STK17B: variants seen among roughly 807,000 people sequenced by gnomAD.
STK17B encodes the protein serine/threonine kinase 17b, also known as serine/threonine-protein kinase 17B.
In STK17B, 21 loss-of-function variants were observed where a neutral mutation model predicts 42.0. That is an observed-to-expected ratio of 0.50 (90% CI 0.35 to 0.72). The LOEUF is 0.72. Ranked by LOEUF, STK17B falls within the 30% of genes least tolerant of loss-of-function variation. The probability of loss-of-function intolerance (pLI) is 0.00; values close to 1 mark genes in which losing one functional copy is unlikely to be tolerated. For synonymous variants in STK17B, 143 were observed against 148.4 expected (o/e 0.96, Z 0.26); for missense variants, 349 against 446.0 (o/e 0.78, Z 1.96).
At chr2:196,169,843 G>C (rs898194415) in intron 1 of STK17B, among the ~76,000 whole-genome samples, 3 of 151,726 alleles carry the variant, frequency 2.0e-5, no homozygotes, top group African/African-American at 7.3e-5. Flanking sequence ...AAAAAGTCTT[G>C]CCATGTAAGC....
chr2:196,139,100 A>C (rs1645476008), intron 7 of STK17B, among the ~76,000 whole-genome samples: 3 of 152,114 alleles, frequency 2.0e-5, no homozygotes, highest in African/African-American at 7.2e-5. Context: ...AGTAGCTGGG[A>C]CTACAGATGC....
At chr2:196,152,107 C>CTT (rs56369141) in intron 3 of STK17B, among the ~76,000 whole-genome samples, 1 of 130,788 alleles carries the variant, frequency 7.6e-6, no homozygotes, top group Admixed American at 7.6e-5. Flanking sequence ...AAAAAAGTGC[C>CTT]TTTTTTTTTT....
intron 5 of STK17B, among the ~76,000 whole-genome samples, chr2:196,142,797 G>T (rs1438459093): frequency 2.6e-5 from 4 of 152,192 alleles, no homozygotes; most frequent in Non-Finnish European, 5.9e-5. Flanking sequence ...AAAGACAGCT[G>T]CCTAGCTGAG....
At chr2:196,159,015 A>G (rs1426045749) in intron 2 of STK17B, among the ~76,000 whole-genome samples, 1 of 151,614 alleles carries the variant, frequency 6.6e-6, no homozygotes, top group Non-Finnish European at 1.5e-5. Flanking sequence ...TGTCTCAAAA[A>G]AAAAAAAAAC....
intron 3 of STK17B, 122 bp from the exon 4 acceptor site, chr2:196,146,177 A>G: frequency 1.9e-6 from 2 of 1,072,908 alleles, no homozygotes; most frequent in South Asian, 2.2e-5. Context: ...ACACTTAAAA[A>G]TAGGGCAGGG....
At chr2:196,149,146 T>C (rs2105690895) in intron 3 of STK17B, among the ~76,000 whole-genome samples, 1 of 152,046 alleles carries the variant, frequency 6.6e-6, no homozygotes, top group African/African-American at 2.4e-5. Flanking sequence ...ACGGTAAATA[T>C]TCAATAGATA....
chr2:196,155,117 C>T (rs1699721740), intron 3 of STK17B, among the ~76,000 whole-genome samples: 1 of 152,288 alleles, frequency 6.6e-6, no homozygotes, highest in South Asian at 2.1e-4. Flanking sequence ...TCCTCCAAAC[C>T]TAGTATTCCA....
chr2:196,143,657 G>C lies in STK17B; in HGVS notation c.510C>G (p.Tyr170Ter). ...KPQNILLSSI[Y>*]PLGDIKIVDF... ...CTACTATTTTAATGTCCCCGAGAGG[G>C]TATATGCTGCTCAGTAATATATTCT... Residue 170 changes from tyrosine to a stop codon, truncating the protein, a stop_gained, in exon 5 of 8, where the codon TAC (tyrosine) becomes TAG (stop). Transcript: ENST00000263955. LOFTEE classifies it high-confidence loss of function. 1 of 1,592,090 alleles carries C rather than the reference G, an allele frequency of 6.3e-7. No individual in the cohort carries two copies. Among genetic ancestry groups the C allele is most frequent in the Non-Finnish European group, 8.5e-7 (1 of 1,170,290 alleles).
intron 3 of STK17B, chr2:196,151,446 T>C (rs563099869): frequency 7.2e-5 from 11 of 152,436 alleles, no homozygotes; most frequent in African/African-American, 2.6e-4. Flanking sequence ...TTAGCCAGGA[T>C]GGTCTCGATC....
intron 3 of STK17B, among the ~76,000 whole-genome samples, chr2:196,152,030 A>G (rs186247448): frequency 1.6e-4 from 24 of 152,356 alleles, no homozygotes; most frequent in African/African-American, 5.5e-4. Flanking sequence ...ACAAAAGCAA[A>G]AAGAGGCTAT....
chr2:196,163,405 C>T lies in STK17B; in HGVS notation c.-22G>A. On this transcript the variant is annotated 5_prime_UTR_variant, in exon 2 of 8. Transcript: ENST00000263955. ...ACATGTTAGGTGATTCCCAGGTCTG[C>T]TTCTTTAGTCACTTATTTTTACCTA... 2.6e-6 allele frequency: 4 copies of T among 1,558,422 alleles called. No homozygotes were observed. Among genetic ancestry groups the T allele is most frequent in the South Asian group, 1.2e-5 (1 of 81,456 alleles).
At chr2:196,140,812 C>T (rs939726518) in intron 6 of STK17B, among the ~76,000 whole-genome samples, 1 of 152,110 alleles carries the variant, frequency 6.6e-6, no homozygotes, top group Non-Finnish European at 1.5e-5. Context: ...ATCCACCTGC[C>T]TTGGCCTCCC....
At position 196,134,269 on chromosome 2, in the gene STK17B, A is replaced by C. The variant is rs1440064642; in HGVS notation, c.*3178T>G. The C allele has an allele frequency of 6.6e-6, 1 of 151,822 alleles. No individual in the cohort carries two copies. Among genetic ancestry groups the C allele is most frequent in the Non-Finnish European group, 1.5e-5 (1 of 68,004 alleles). The allele number at this position is 151,822 out of a possible 1,614,324, so 9.4% of individuals were successfully genotyped here. A position where few individuals can be genotyped will look rare whatever the true frequency, so the allele number is the denominator to read the frequency against. Reference sequence around the variant, plus strand: ...GCACAAGTACCTTATTACTGACTAGAGCAGGGGTCCCCAGTCCCCAGGCCA... The same window carrying C: ...GCACAAGTACCTTATTACTGACTAGCGCAGGGGTCCCCAGTCCCCAGGCCA... On this transcript the variant is annotated 3_prime_UTR_variant, in exon 8 of 8. Coordinates refer to ENST00000263955, the MANE Select transcript of STK17B (RefSeq NM_004226.4).
chr2:196,137,956 T>C (rs1414240272), intron 7 of STK17B, among the ~76,000 whole-genome samples: 1 of 152,180 alleles, frequency 6.6e-6, no homozygotes, highest in African/African-American at 2.4e-5. Context: ...AATACATTAT[T>C]TAACAATCAT....
intron 7 of STK17B, among the ~76,000 whole-genome samples, chr2:196,138,369 C>T (rs1308052228): frequency 6.6e-6 from 1 of 152,194 alleles, no homozygotes. Context: ...AGTACTCTTC[C>T]ATATGGATAC....
At position 196,155,600 on chromosome 2, in the gene STK17B, T is replaced by C. The variant is rs1260543986; in HGVS notation, c.335+839A>G. 2.6e-5 allele frequency among the ~76,000 whole-genome samples: 4 copies of C among 152,220 alleles called. 1 individual carries two copies. Among genetic ancestry groups the C allele is most frequent in the African/African-American group, 9.6e-5 (4 of 41,460 alleles). Reference sequence around the variant, plus strand: ...AAATAAACACTTATCTCTTCTTGGTTTATCATAAAATATATTTACTTCATT... The same window carrying C: ...AAATAAACACTTATCTCTTCTTGGTCTATCATAAAATATATTTACTTCATT... On this transcript the variant is annotated intron_variant, in intron 3 of 7. Transcript: ENST00000263955.
intron 3 of STK17B, among the ~76,000 whole-genome samples, chr2:196,146,812 C>T (rs1202413279): frequency 6.6e-6 from 1 of 152,004 alleles, no homozygotes; most frequent in African/African-American, 2.4e-5. Context: ...GAAACAAGTA[C>T]AATTAGGTTA....
chr2:196,172,140 C>G (rs1176821666), upstream of STK17B, among the ~76,000 whole-genome samples: 2 of 152,190 alleles, frequency 1.3e-5, no homozygotes, highest in African/African-American at 4.8e-5. Context: ...ATTTATGGAA[C>G]CTAGACCCCA....
intron 2 of STK17B, among the ~76,000 whole-genome samples, chr2:196,161,326 A>T (rs976687796): frequency 1.9e-4 from 29 of 151,984 alleles, no homozygotes; most frequent in Non-Finnish European, 3.8e-4. Flanking sequence ...TTCCTATTAT[A>T]ATGCAAAATG....
Sources: allele counts gnomAD v4.1 joint callset (sites outside exome capture counted in the v4.1 genomes callset), GRCh38; gene constraint gnomAD v4.1.1; transcripts MANE v1.5; gene names NCBI Gene and HGNC (gene_info 2026-07-23, HGNC 2026-07-21).